Variants in RAB27B observed in about 807,000 individuals in gnomAD.
The protein encoded by RAB27B is RAB27B, member RAS oncogene family.
Under a neutral mutation model 24.6 loss-of-function variants are expected in RAB27B, and 15 were observed. The observed-to-expected ratio is 0.61, with a 90% CI of 0.41 to 0.94. RAB27B has a LOEUF of 0.94. Ranked by LOEUF, RAB27B falls within the 40% of genes least tolerant of loss-of-function variation. The pLI, the probability that RAB27B is intolerant of heterozygous loss-of-function variation, is 0.00. For synonymous variants in RAB27B, 105 were observed against 92.5 expected (o/e 1.14, Z -0.78); for missense variants, 261 against 266.8 (o/e 0.98, Z 0.15).
At chr18:54,774,956 G>T (rs1439650927) in intron 2 of RAB27B, among the ~76,000 whole-genome samples, 1 of 152,118 alleles carries the variant, frequency 6.6e-6, no homozygotes, top group Non-Finnish European at 1.5e-5. Context: ...AAAATGCTTG[G>T]CACCTAATTA....
intron 4 of RAB27B, among the ~76,000 whole-genome samples, chr18:54,886,440 T>C (rs1480528344): frequency 6.6e-6 from 1 of 152,096 alleles, no homozygotes; most frequent in East Asian, 1.9e-4. Flanking sequence ...TGATAATGTA[T>C]TTTGTATATA....
chr18:54,821,107 C>T (rs1423414777), intron 2 of RAB27B, among the ~76,000 whole-genome samples: 2 of 152,112 alleles, frequency 1.3e-5, no homozygotes, highest in Non-Finnish European at 2.9e-5. Context: ...TCCCTGTTTG[C>T]AGACGACATG....
At chr18:54,874,611 G>A (rs1355067577) in intron 1 of RAB27B, among the ~76,000 whole-genome samples, 1 of 149,694 alleles carries the variant, frequency 6.7e-6, no homozygotes, top group Non-Finnish European at 1.5e-5. Context: ...AAAGTATGTA[G>A]ATGTGTCTTA....
intron 2 of RAB27B, among the ~76,000 whole-genome samples, chr18:54,776,362 T>C (rs1908715626): frequency 6.6e-6 from 1 of 152,194 alleles, no homozygotes; most frequent in Admixed American, 6.5e-5. Context: ...AGCAGCCTGA[T>C]TCATATTGAG....
intron 1 of RAB27B, among the ~76,000 whole-genome samples, chr18:54,875,839 T>C (rs975733571): frequency 6.6e-6 from 1 of 152,188 alleles, no homozygotes; most frequent in Admixed American, 6.5e-5. Context: ...TCAGTTTTGA[T>C]TGGTGACTAA....
chr18:54,721,040 G>A (rs1909343711), intron 2 of RAB27B, among the ~76,000 whole-genome samples: 1 of 152,116 alleles, frequency 6.6e-6, no homozygotes, highest in South Asian at 2.1e-4. Flanking sequence ...TTTTGTTGGA[G>A]TTTGGCCAAA....
intron 2 of RAB27B, among the ~76,000 whole-genome samples, chr18:54,771,644 T>G (rs1908555798): frequency 6.7e-6 from 1 of 150,146 alleles, no homozygotes; most frequent in Non-Finnish European, 1.5e-5. Flanking sequence ...GTGTGATGGC[T>G]CTAAAAAGAC....
chr18:54,870,524 A>G (rs889187043), intron 1 of RAB27B, among the ~76,000 whole-genome samples: 3 of 152,200 alleles, frequency 2.0e-5, no homozygotes, highest in Non-Finnish European at 4.4e-5. Flanking sequence ...AGTGGATAAG[A>G]AAACACAAAT....
chr18:54,813,624 A>G (rs1910034868), intron 2 of RAB27B, among the ~76,000 whole-genome samples: 1 of 152,222 alleles, frequency 6.6e-6, no homozygotes, highest in African/African-American at 2.4e-5. Flanking sequence ...CCTTGCCAGA[A>G]GCCAAGTAGA....
intron 1 of RAB27B, among the ~76,000 whole-genome samples, chr18:54,843,646 G>C (rs748700333): frequency 4.4e-4 from 67 of 152,192 alleles, no homozygotes; most frequent in Non-Finnish European, 9.3e-4. Flanking sequence ...TATTATAAAA[G>C]AAAGCAGAGC....
At chr18:54,792,039 C>T (rs1909264007) in intron 2 of RAB27B, among the ~76,000 whole-genome samples, 1 of 152,156 alleles carries the variant, frequency 6.6e-6, no homozygotes, top group Non-Finnish European at 1.5e-5. Context: ...TCCAGCACGC[C>T]AAGGCAAGAA....
intron 2 of RAB27B, among the ~76,000 whole-genome samples, chr18:54,821,814 C>T (rs2145168005): frequency 6.6e-6 from 1 of 152,348 alleles, no homozygotes; most frequent in South Asian, 2.1e-4. Flanking sequence ...AGTGCAATGA[C>T]ACGATCTCGG....
At chr18:54,726,220 A>G (rs1362375994) in intron 2 of RAB27B, among the ~76,000 whole-genome samples, 1 of 151,502 alleles carries the variant, frequency 6.6e-6, no homozygotes, top group Non-Finnish European at 1.5e-5. Flanking sequence ...TTAAATAAAA[A>G]CTCAAGTATC....
At chr18:54,734,576 G>A (rs1036083227) in intron 2 of RAB27B, among the ~76,000 whole-genome samples, 2 of 152,078 alleles carry the variant, frequency 1.3e-5, no homozygotes, top group East Asian at 1.9e-4. Context: ...TTTCTCTGAA[G>A]GTAAGATTAG....
intron 1 of RAB27B, among the ~76,000 whole-genome samples, chr18:54,847,245 G>A (rs1911375071): frequency 1.3e-5 from 2 of 152,256 alleles, no homozygotes; most frequent in African/African-American, 4.8e-5. Flanking sequence ...CTGAAGTTTT[G>A]TATGTTTCTG....
intron 2 of RAB27B, among the ~76,000 whole-genome samples, chr18:54,795,977 C>A (rs1909404338): frequency 6.6e-6 from 1 of 152,112 alleles, no homozygotes; most frequent in Non-Finnish European, 1.5e-5. Flanking sequence ...ACCCGTGAAG[C>A]CATCACAATA....
intron 2 of RAB27B, among the ~76,000 whole-genome samples, chr18:54,800,383 G>A (rs985706127): frequency 6.6e-6 from 1 of 152,140 alleles, no homozygotes; most frequent in Admixed American, 6.5e-5. Context: ...TTTTTAATGT[G>A]ATTCAAAGCC....
intron 2 of RAB27B, among the ~76,000 whole-genome samples, chr18:54,718,874 A>G (rs931645953): frequency 1.3e-5 from 2 of 152,204 alleles, no homozygotes; most frequent in African/African-American, 4.8e-5. Context: ...TGCCAATTTT[A>G]TGCATTCAAG....
chr18:54,740,535 C>T (rs1231391462), intron 2 of RAB27B, among the ~76,000 whole-genome samples: 2 of 152,138 alleles, frequency 1.3e-5, no homozygotes, highest in Non-Finnish European at 2.9e-5. Context: ...TATAGGATAC[C>T]TGCCTGAGTT....
Sources: allele counts gnomAD v4.1 joint callset (sites outside exome capture counted in the v4.1 genomes callset), GRCh38; gene constraint gnomAD v4.1.1; transcripts MANE v1.5; gene names NCBI Gene and HGNC (gene_info 2026-07-23, HGNC 2026-07-21).